Variants in ZNF678 observed in about 807,000 individuals in gnomAD.
ZNF678 encodes the protein zinc finger protein 678, also known as hypothetical protein MGC42493.
Under a neutral mutation model 3.0 loss-of-function variants are expected in ZNF678, and 5 were observed. That is an observed-to-expected ratio of 1.69 (90% confidence interval 0.88 to 3.56). The LOEUF is 3.56. Among genes scored for constraint, ZNF678 ranks in the 30% most tolerant of loss-of-function variants. The probability of loss-of-function intolerance (pLI) is 0.00; values close to 1 mark genes in which losing one functional copy is unlikely to be tolerated. For synonymous variants in ZNF678, 218 were observed against 199.6 expected (o/e 1.09, Z -0.78); for missense variants, 593 against 605.0 (o/e 0.98, Z 0.21).
At chr1:227,610,709 G>A (rs1571885054) in intron 1 of ZNF678, among the ~76,000 whole-genome samples, 1 of 152,116 alleles carries the variant, frequency 6.6e-6, no homozygotes. Flanking sequence ...CAAGTCTTTT[G>A]TACTGATGAC....
rs1367997746 is a variant in ZNF678 at position 227,661,939 on chromosome 1, TC to T, written c.*6112del. ...CAGCTTAGACTCATTTTTATACTAC[TC>T]GGGGGACAAGGAGGGAACTACAGTC... is the stretch of plus-strand genomic sequence containing the variant. On this transcript the variant is annotated 3_prime_UTR_variant, in exon 4 of 4. Coordinates refer to ENST00000343776, the MANE Select transcript of ZNF678 (RefSeq NM_001367909.1). The T allele has an allele frequency of 1.3e-5, 2 of 152,130 alleles. No individual in the cohort carries two copies. Among genetic ancestry groups the T allele is most frequent in the African/African-American group, 4.8e-5 (2 of 41,402 alleles). The allele number at this position is 152,130 out of a possible 1,614,324, so 9.4% of individuals were successfully genotyped here. A position where few individuals can be genotyped will look rare whatever the true frequency, so the allele number is the denominator to read the frequency against.
chr1:227,642,948 G>A (rs1470558219), intron 1 of ZNF678, among the ~76,000 whole-genome samples: 2 of 140,310 alleles, frequency 1.4e-5, no homozygotes, highest in Admixed American at 1.5e-4. Flanking sequence ...TATTAGAAAA[G>A]CAAATGGAGC....
At chr1:227,623,761 C>T (rs1356017188) in intron 1 of ZNF678, among the ~76,000 whole-genome samples, 3 of 152,008 alleles carry the variant, frequency 2.0e-5, no homozygotes, top group African/African-American at 4.8e-5. Flanking sequence ...TAACCTTTTT[C>T]AATCATACTT....
chr1:227,587,320 G>C (rs910535948), intron 1 of ZNF678, among the ~76,000 whole-genome samples: 10 of 151,360 alleles, frequency 6.6e-5, no homozygotes, highest in African/African-American at 2.4e-4. Context: ...ACTGAACCAG[G>C]ATATATAGGA....
intron 1 of ZNF678, among the ~76,000 whole-genome samples, chr1:227,594,524 T>C (rs1657510158): frequency 6.6e-6 from 1 of 152,246 alleles, no homozygotes; most frequent in South Asian, 2.1e-4. Flanking sequence ...CACAGAATTT[T>C]CTTTCCAATT....
intron 1 of ZNF678, among the ~76,000 whole-genome samples, chr1:227,608,685 A>G (rs560377242): frequency 2.6e-5 from 4 of 152,218 alleles, no homozygotes; most frequent in African/African-American, 9.6e-5. Flanking sequence ...TATTCTATAT[A>G]ACAGCAAGTT....
In ZNF678 at chr1:227,654,930, A is replaced by G. The variant is rs1320006350; in HGVS notation, c.680A>G (p.His227Arg). The stretch of plus-strand genomic sequence containing the variant: ...ACCCAGTTCTCAAACCTTACACAAC[A>G]TAAGAGAATTCATACTGGAGAGAAA... Reference protein sequence around the residue: ...AFTQFSNLTQHKRIHTGEKPY... With the variant: ...AFTQFSNLTQRKRIHTGEKPY... The change falls in exon 4 of 4, where the codon CAT becomes CGT. Residue 227 changes from histidine (H) to arginine (R), a missense_variant. Physicochemically the swap from His to Arg is conservative, Grantham distance 29. Transcript: ENST00000343776. 3.1e-6 allele frequency: 5 copies of G among 1,612,678 alleles called. No individual in the cohort carries two copies. Among genetic ancestry groups the G allele is most frequent in the Non-Finnish European group, 4.2e-6 (5 of 1,179,508 alleles).
rs923166384 is a variant in ZNF678 at position 227,659,024 on chromosome 1, A to G, written c.*3196A>G. On this transcript the variant is annotated 3_prime_UTR_variant, in exon 4 of 4. Coordinates refer to ENST00000343776, the MANE Select transcript of ZNF678 (RefSeq NM_001367909.1). ...CAAAAAAGTTTAAATTTAGTTTTTT[A>G]TAAATTACATATAGCACAATTTATG... 40 of 152,230 alleles carry G rather than the reference A, an allele frequency of 2.6e-4. No homozygotes were observed. Among genetic ancestry groups the G allele is most frequent in the African/African-American group, 9.6e-4 (40 of 41,582 alleles). 9.4% of individuals were successfully genotyped at this position (152,230 alleles called of 1,614,324 possible).
At chr1:227,599,066 A>G in intron 1 of ZNF678, 2 of 1,596,758 alleles carry the variant, frequency 1.3e-6, no homozygotes, top group South Asian at 1.1e-5. Context: ...ATAATCCTGT[A>G]TTGTTGGCCC....
intron 1 of ZNF678, among the ~76,000 whole-genome samples, chr1:227,632,923 T>C (rs1658583714): frequency 6.6e-6 from 1 of 152,166 alleles, no homozygotes; most frequent in African/African-American, 2.4e-5. Flanking sequence ...GAATGGAACC[T>C]TGGGCTATGT....
chr1:227,652,602 A>G (rs1309802767), intron 3 of ZNF678, among the ~76,000 whole-genome samples: 5 of 152,092 alleles, frequency 3.3e-5, no homozygotes, highest in Admixed American at 6.6e-5. Flanking sequence ...AAAACCCCCA[A>G]AGTTACAACA....
intron 1 of ZNF678, among the ~76,000 whole-genome samples, chr1:227,575,645 C>T (rs553003767): frequency 9.2e-5 from 14 of 152,066 alleles, no homozygotes; most frequent in African/African-American, 2.4e-4. Context: ...GATTTTGGGG[C>T]GAGACCGTGA....
In ZNF678 at chr1:227,655,721, T is replaced by C; in HGVS notation, c.1471T>C (p.Cys491Arg). Residue 491 changes from cysteine to arginine, a missense_variant, in exon 4 of 4, where the codon TGT (cysteine) becomes CGT (arginine). By Grantham distance (180) the Cys-to-Arg change is radical. Coordinates refer to ENST00000343776, the MANE Select transcript of ZNF678 (RefSeq NM_001367909.1). ...TCATACTGGAGAGAAACGCTACAAATGTAAAGAATGTGGAAAAGGTTTTTA... is the reference window on the plus strand; with the variant it reads ...TCATACTGGAGAGAAACGCTACAAACGTAAAGAATGTGGAAAAGGTTTTTA... ...RIHTGEKRYK[C>R]KECGKGFYQS... 6.2e-7 allele frequency: 1 copy of C among 1,612,586 alleles called. No individual in the cohort carries two copies. Among genetic ancestry groups the C allele is most frequent in the Non-Finnish European group, 8.5e-7 (1 of 1,179,114 alleles).
chr1:227,574,245 C>T (rs988180134), intron 1 of ZNF678, among the ~76,000 whole-genome samples: 3 of 152,112 alleles, frequency 2.0e-5, no homozygotes, highest in African/African-American at 7.2e-5. Context: ...GAGGAAGCAC[C>T]ACACTGTCTT....
intron 1 of ZNF678, among the ~76,000 whole-genome samples, chr1:227,565,909 A>G (rs1379142424): frequency 1.3e-5 from 2 of 152,158 alleles, no homozygotes; most frequent in Non-Finnish European, 2.9e-5. Flanking sequence ...GGAGCCCGCC[A>G]CCATGCCCGG....
chr1:227,664,750 G>T (rs926685809), downstream of ZNF678, among the ~76,000 whole-genome samples: 1 of 151,922 alleles, frequency 6.6e-6, no homozygotes, highest in South Asian at 2.1e-4. Context: ...TTATCTTGGG[G>T]TCTGTCACCG....
rs556660451 is a variant in ZNF678, at chr1:227,567,879, C to T, written c.-164+4155C>T. Among the ~76,000 whole-genome samples the T allele has an allele frequency of 7.2e-5, 11 of 151,794 alleles. No homozygotes were observed. In the South Asian group the frequency reaches 8.3e-4, roughly 12 times the overall value. On this transcript the variant is annotated intron_variant, in intron 1 of 3. Transcript: ENST00000343776. ...ACTTAATTCTAAAGGAATATTGCAA[C>T]GGGAAAAATACCAACTATATCTGCA... is the stretch of plus-strand genomic sequence containing the variant.
In ZNF678 at chr1:227,641,507, T is replaced by C. The variant is rs191202268; in HGVS notation, c.-163-5037T>C. ...AAAAGCAACAGTTTTCTCTCTGTTC[T>C]ACCATTGTGGAGAGTTTTTCTGGAG... On this transcript the variant is annotated intron_variant, in intron 1 of 3. Coordinates refer to ENST00000343776, the MANE Select transcript of ZNF678 (RefSeq NM_001367909.1). Among the ~76,000 whole-genome samples the C allele has an allele frequency of 3.2e-4, 48 of 152,360 alleles. No homozygotes were observed. In the East Asian group the frequency reaches 8.9e-3, roughly 28 times the overall value.
intron 1 of ZNF678, among the ~76,000 whole-genome samples, chr1:227,605,076 C>T (rs1209858261): frequency 1.3e-5 from 2 of 152,056 alleles, no homozygotes; most frequent in South Asian, 2.1e-4. Flanking sequence ...AGGATGGTTT[C>T]GAGCTCCTGA....
Sources: allele counts gnomAD v4.1 joint callset (sites outside exome capture counted in the v4.1 genomes callset), GRCh38; gene constraint gnomAD v4.1.1; transcripts MANE v1.5; gene names NCBI Gene and HGNC (gene_info 2026-07-23, HGNC 2026-07-21).